PPP2R5C: variants seen among roughly 807,000 people sequenced by gnomAD.
PPP2R5C encodes the protein protein phosphatase 2 regulatory subunit B'gamma, also known as serine/threonine-protein phosphatase 2A 56 kDa regulatory subunit gamma isoform.
PPP2R5C carries 7 observed loss-of-function variants against 68.9 expected under a neutral mutation model. The ratio of observed to expected loss-of-function variants is 0.10; its 90% CI spans 0.06 to 0.19. The LOEUF is 0.19. PPP2R5C is among the 10% of genes least tolerant of loss of function. The probability of loss-of-function intolerance (pLI) is 1.00; values close to 1 mark genes in which losing one functional copy is unlikely to be tolerated. For missense variants in PPP2R5C, 348 were observed against 641.3 expected (o/e 0.54, Z 4.94); for synonymous variants, 210 against 222.2 (o/e 0.95, Z 0.49).
At chr14:101,837,118 T>G (rs1196878772) in intron 1 of PPP2R5C, among the ~76,000 whole-genome samples, 1 of 152,192 alleles carries the variant, frequency 6.6e-6, no homozygotes, top group East Asian at 1.9e-4. Context: ...ATGCTCATTT[T>G]ATAAGTTTTT....
At chr14:101,832,033 G>T (rs1435207636) in intron 1 of PPP2R5C, among the ~76,000 whole-genome samples, 3 of 152,232 alleles carry the variant, frequency 2.0e-5, no homozygotes, top group Non-Finnish European at 4.4e-5. Context: ...TAGAACCAAA[G>T]ACTAGCAGGG....
At chr14:101,863,271 G>C (rs1182314947) in intron 2 of PPP2R5C, among the ~76,000 whole-genome samples, 1 of 151,598 alleles carries the variant, frequency 6.6e-6, no homozygotes, top group African/African-American at 2.4e-5. Context: ...TTGAGCCACT[G>C]CACTCCATCC....
In PPP2R5C at chr14:101,912,621, TG is replaced by T. The variant is rs1355178227; in HGVS notation, c.1326+149del. On this transcript the variant is annotated intron_variant, in intron 12 of 13. Transcript: ENST00000334743. ...TGCAATAAAAAGTACTTTTAAACTT[TG>T]TAACCCTCCTTTTGTACAAGTACTT... 4 of 1,330,822 alleles carry T rather than the reference TG, an allele frequency of 3.0e-6. No individual in the cohort carries two copies. The African/African-American group carries it at 4.6e-5, about 15-fold the overall frequency. The allele number at this position is 1,330,822 out of a possible 1,614,324, so 82.4% of individuals were successfully genotyped here.
chr14:101,879,267 C>G lies in PPP2R5C; in HGVS notation c.295-2894C>G, dbSNP rs1463075397. 1 of 152,560 alleles carries G rather than the reference C, an allele frequency of 6.6e-6. No individual in the cohort carries two copies. The highest frequency in any genetic ancestry group is 2.4e-5 in the African/African-American group (1 of 41,470). 9.5% of individuals were successfully genotyped at this position (152,560 alleles called of 1,614,324 possible). A position where few individuals can be genotyped will look rare whatever the true frequency, so the allele number is the denominator to read the frequency against. On this transcript the variant is annotated intron_variant, in intron 2 of 13. Coordinates refer to ENST00000334743, the Ensembl canonical transcript of PPP2R5C. The surrounding 1 kb of genome is among the most constrained non-coding windows in gnomAD (Gnocchi z 4.2). The stretch of plus-strand genomic sequence containing the variant: ...CTGTGGCCTCGGCCAGAATGGTGGT[C>G]TCTTCCTCTGTGGCATGTCTGTGAC...
In PPP2R5C at chr14:101,925,143, A is replaced by G. The variant is rs149849093; in HGVS notation, c.1446A>G (p.Ala482=). Residue 482 remains alanine (A), a splice_region_variant and synonymous_variant, in exon 14 of 14, where the codon GCA becomes GCG. Transcript: ENST00000334743. The stretch of plus-strand genomic sequence containing the variant: ...CGCCATTGCATTTCTAATTCCAGGC[A>G]CAGAAAGATCCGAAGAAGGACCGTC... 5.0e-6 allele frequency: 8 copies of G among 1,613,876 alleles called. No homozygotes were observed. In the African/African-American group the frequency reaches 1.1e-4, roughly 22 times the overall value.
At chr14:101,810,422 CAT>C (rs1398565670) in intron 1 of PPP2R5C, 8 of 174,004 alleles carry the variant, frequency 4.6e-5, no homozygotes, top group Admixed American at 1.3e-4. Flanking sequence ...GTTTCTGTTA[CAT>C]ATGTGTGGCT....
chr14:101,923,728 T>C (rs1296254092), intron 13 of PPP2R5C, among the ~76,000 whole-genome samples: 1 of 152,244 alleles, frequency 6.6e-6, no homozygotes, highest in Non-Finnish European at 1.5e-5. Context: ...AAATTCTTTT[T>C]AAACCTTGAC....
upstream of PPP2R5C, among the ~76,000 whole-genome samples, chr14:101,807,843 C>G (rs1359141410): frequency 1.3e-5 from 2 of 151,418 alleles, no homozygotes; most frequent in African/African-American, 4.9e-5. Flanking sequence ...TCTTTGACTC[C>G]TATTCCGTAT....
chr14:101,793,764 C>T (rs960986258), intron 3 of PPP2R5C, among the ~76,000 whole-genome samples: 2 of 152,176 alleles, frequency 1.3e-5, no homozygotes, highest in African/African-American at 4.8e-5. Flanking sequence ...AATGAGGTTG[C>T]ATGAAGGAAT....
intron 2 of PPP2R5C, among the ~76,000 whole-genome samples, chr14:101,873,717 T>G (rs2043573091): frequency 6.6e-6 from 1 of 152,334 alleles, no homozygotes; most frequent in South Asian, 2.1e-4. Flanking sequence ...TTCTTCTCTG[T>G]GTGCAGCTGT....
intron 2 of PPP2R5C, among the ~76,000 whole-genome samples, chr14:101,864,536 G>A (rs900912749): frequency 6.6e-6 from 1 of 152,212 alleles, no homozygotes; most frequent in African/African-American, 2.4e-5. Flanking sequence ...GGCGGTCAGT[G>A]TAAGGTCTGG....
rs1566945017 is a variant in PPP2R5C, at chr14:101,891,368, A to C, written c.689+1072A>C. On this transcript the variant is annotated intron_variant, in intron 6 of 13. Transcript: ENST00000334743. This position sits in a 1 kb window ranked among gnomAD's most constrained non-coding sequence, Gnocchi z 4.9. The stretch of plus-strand genomic sequence containing the variant: ...AGCTATTCTTGCCACTTTAGATGTA[A>C]TTTGAAAAAATGTCCTCGCTGACAA... 6.6e-6 allele frequency among the ~76,000 whole-genome samples: 1 copy of C among 152,060 alleles called. No homozygotes were observed. Among genetic ancestry groups the C allele is most frequent in the South Asian group, 2.1e-4 (1 of 4,814 alleles).
intron 2 of PPP2R5C, among the ~76,000 whole-genome samples, chr14:101,782,836 C>T (rs1356789190): frequency 1.5e-4 from 1 of 6,722 alleles, no homozygotes; most frequent in African/African-American, 8.9e-4. Context: ...CCTTCCCCTC[C>T]CTCTCTCCTC....
At position 101,899,321 on chromosome 14, in the gene PPP2R5C, A is replaced by G. The variant is rs535829777; in HGVS notation, c.853-2398A>G. 6.6e-6 allele frequency among the ~76,000 whole-genome samples: 1 copy of G among 152,270 alleles called. No homozygotes were observed. Among genetic ancestry groups the G allele is most frequent in the East Asian group, 1.9e-4 (1 of 5,174 alleles). ...CAGGACAGGAAGGGGGCTCCCCAAG[A>G]CTCAAGGCTGGGGCCACTGGCTCGC... On this transcript the variant is annotated intron_variant, in intron 8 of 13. Transcript: ENST00000334743. The surrounding 1 kb of genome is among the most constrained non-coding windows in gnomAD (Gnocchi z 4.2).
rs4906162 is a variant in PPP2R5C at position 101,919,980 on chromosome 14, A to C, written c.1443+2033A>C. ...GCAAAACTCCGTCTCAAAAAAAAAAAAAAAAAAAAAAACCAATTCTTACAC... is the reference window on the plus strand; with the variant it reads ...GCAAAACTCCGTCTCAAAAAAAAAACAAAAAAAAAAAACCAATTCTTACAC... On this transcript the variant is annotated intron_variant, in intron 13 of 13. Transcript: ENST00000334743. Among the ~76,000 whole-genome samples the C allele has an allele frequency of 8.8e-5, 10 of 114,144 alleles. 1 individual carries two copies. The highest frequency in any genetic ancestry group is 4.5e-4 in the African/African-American group (10 of 22,282). The allele number at this position is 114,144 out of a possible 152,430, so 74.9% of individuals were successfully genotyped here.
At chr14:101,795,578 TAGAAA>T (rs1412767055) in intron 3 of PPP2R5C, among the ~76,000 whole-genome samples, 7 of 152,130 alleles carry the variant, frequency 4.6e-5, no homozygotes. Flanking sequence ...AGGCCATTTT[TAGAAA>T]AGAAAAGACT....
At chr14:101,878,748 T>C (rs1311364874) in intron 2 of PPP2R5C, among the ~76,000 whole-genome samples, 1 of 152,174 alleles carries the variant, frequency 6.6e-6, no homozygotes, top group Non-Finnish European at 1.5e-5. Flanking sequence ...AGCTGACTGG[T>C]TGAAGCCCCC....
rs533970800 is a variant in PPP2R5C at position 101,922,124 on chromosome 14, G to T, written c.1444-3017G>T. 2.3e-5 allele frequency: 23 copies of T among 985,386 alleles called. No homozygotes were observed. In the African/African-American group the frequency reaches 3.8e-4, roughly 16 times the overall value. 61.0% of individuals were successfully genotyped at this position (985,386 alleles called of 1,614,324 possible). On this transcript the variant is annotated intron_variant, in intron 13 of 13. Coordinates refer to ENST00000334743, the Ensembl canonical transcript of PPP2R5C. ...CCAGGAGAAGAATTGACGAGTTAAC[G>T]TGGACATGAAGTATTTTCCCTTTTG...
intron 1 of PPP2R5C, among the ~76,000 whole-genome samples, chr14:101,850,778 A>G (rs1363362158): frequency 2.0e-5 from 3 of 152,224 alleles, no homozygotes; most frequent in Non-Finnish European, 2.9e-5. Flanking sequence ...GGTCATTTCA[A>G]AAAGTGGCAT....
Sources: allele counts gnomAD v4.1 joint callset (sites outside exome capture counted in the v4.1 genomes callset), GRCh38; gene constraint gnomAD v4.1.1; non-coding constraint Gnocchi (gnomAD v3.1); transcripts MANE v1.5; gene names NCBI Gene and HGNC (gene_info 2026-07-23, HGNC 2026-07-21).